CPOX: variants seen among roughly 807,000 people sequenced by gnomAD.
CPOX encodes coproporphyrinogen oxidase, also known as oxygen-dependent coproporphyrinogen-III oxidase, mitochondrial.
A neutral mutation model predicts 48.9 loss-of-function variants in CPOX; 24 were observed. The observed-to-expected ratio is 0.49, with a 90% CI of 0.36 to 0.69. The LOEUF (loss-of-function observed/expected upper bound fraction) is 0.69, where lower values mean the gene tolerates loss of function less well. Ranked by LOEUF, CPOX falls within the 30% of genes least tolerant of loss-of-function variation. The pLI is 0.00. For synonymous variants in CPOX, 249 were observed against 234.6 expected (o/e 1.06, Z -0.56); for missense variants, 549 against 597.3 (o/e 0.92, Z 0.84).
downstream of CPOX, among the ~76,000 whole-genome samples, chr3:98,576,837 C>T (rs1489519349): frequency 2.6e-5 from 4 of 152,052 alleles, no homozygotes; most frequent in Non-Finnish European, 5.9e-5. Flanking sequence ...AAGCTTGATA[C>T]TACGATATAT....
At chr3:98,584,445 T>C (rs1213395109) in intron 5 of CPOX, among the ~76,000 whole-genome samples, 1 of 152,222 alleles carries the variant, frequency 6.6e-6, no homozygotes, top group Non-Finnish European at 1.5e-5. Flanking sequence ...ACTCTCATGT[T>C]TTTCAAGTTA....
Position 98,580,611 on chromosome 3 carries a change from A to C in CPOX, c.*72T>G. ...CACGGGTAACTGCCACACAGTGGCA[A>C]AGTGCCGACCAGTGGCATGGGGAGC... On this transcript the variant is annotated 3_prime_UTR_variant, in exon 7 of 7. Transcript: ENST00000647941. 1 of 1,610,064 alleles carries C rather than the reference A, an allele frequency of 6.2e-7. No individual in the cohort carries two copies. Among genetic ancestry groups the C allele is most frequent in the Non-Finnish European group, 8.5e-7 (1 of 1,177,924 alleles).
intron 1 of CPOX, among the ~76,000 whole-genome samples, chr3:98,592,640 T>C (rs1282099399): frequency 6.6e-6 from 1 of 152,154 alleles, no homozygotes; most frequent in African/African-American, 2.4e-5. Flanking sequence ...GTAACGAACT[T>C]TGGACATCTA....
At chr3:98,573,407 C>T in the CPOX span, among the ~76,000 whole-genome samples, 1 of 152,146 alleles carries the variant, frequency 6.6e-6, no homozygotes, top group African/African-American at 2.4e-5. Flanking sequence ...CATAGTTCAA[C>T]AAGAGTCAGA....
chr3:98,588,786 C>T lies in CPOX; in HGVS notation c.880G>A (p.Val294Ile), dbSNP rs2228056. ...TPTYLNQEDA[V>I]HFHRTLKEAC... ...TCCTTCAGAGTTCTGTGAAAATGGA[C>T]AGCGTCTTCTTGATTCAAGTATGTT... The change falls in exon 4 of 7, where the codon GTC (valine) becomes ATC (isoleucine). Residue 294 changes from valine to isoleucine, a missense_variant. Around this residue, in one of 2 missense-constraint regions of CPOX, gnomAD observed 213 missense variants for 279.1 expected, o/e 0.76. Coordinates refer to ENST00000647941, the MANE Select transcript of CPOX (RefSeq NM_000097.7). The T allele has an allele frequency of 0.089, 143,315 of 1,614,006 alleles. 7,657 individuals are homozygous for T. The highest frequency in any genetic ancestry group is 0.21 in the Admixed American group (12,767 of 59,994).
At chr3:98,577,877 C>A (rs1204606692), downstream of CPOX, among the ~76,000 whole-genome samples, 2 of 152,192 alleles carry the variant, frequency 1.3e-5, no homozygotes, top group East Asian at 3.8e-4. Flanking sequence ...CAGCAAAAGA[C>A]ACATGGAAGG....
At chr3:98,591,616 T>C (rs1216452810) in intron 1 of CPOX, among the ~76,000 whole-genome samples, 1 of 152,178 alleles carries the variant, frequency 6.6e-6, no homozygotes, top group Non-Finnish European at 1.5e-5. Flanking sequence ...TAAGAAACAG[T>C]AGGTAATCAA....
At chr3:98,586,380 C>G (rs1185763213) in intron 4 of CPOX, among the ~76,000 whole-genome samples, 7 of 152,114 alleles carry the variant, frequency 4.6e-5, no homozygotes, top group African/African-American at 1.4e-4. Context: ...AACCATGGTG[C>G]AAATCCAAGC....
downstream of CPOX, among the ~76,000 whole-genome samples, chr3:98,574,900 T>G (rs1707137189): frequency 1.3e-5 from 2 of 152,222 alleles, no homozygotes; most frequent in African/African-American, 4.8e-5. Flanking sequence ...AGTATTAATT[T>G]AAATGGTCTT....
At chr3:98,581,583 T>G in intron 5 of CPOX, 72 bp from the exon 6 acceptor site, 1 of 1,247,104 alleles carries the variant, frequency 8.0e-7, no homozygotes, top group East Asian at 2.3e-5. Flanking sequence ...TAACAAATAC[T>G]TAAAAAGGGG....
the CPOX span, among the ~76,000 whole-genome samples, chr3:98,573,973 C>T: frequency 6.6e-6 from 1 of 152,152 alleles, no homozygotes; most frequent in East Asian, 1.9e-4. Context: ...CATTTCTCTG[C>T]CCCCAGTTCG....
In CPOX at chr3:98,593,322, C is replaced by G; in HGVS notation, c.183G>C (p.Gly61=). The change falls in exon 1 of 7, where the codon GGG becomes GGC. Residue 61 remains glycine (G), a synonymous_variant. Transcript: ENST00000647941. ...PGPAGTEQSR[G]LGHGSTSRGG... ...CTCTCGACGTCGAGCCGTGCCCCAG[C>G]CCGCGGCTCTGCTCCGTGCCAGCCG... is the stretch of plus-strand genomic sequence containing the variant. 7.7e-6 allele frequency: 11 copies of G among 1,434,164 alleles called. No homozygotes were observed. The highest frequency in any genetic ancestry group is 9.1e-6 in the Non-Finnish European group (10 of 1,102,256). The allele number at this position is 1,434,164 out of a possible 1,614,324, so 88.8% of individuals were successfully genotyped here.
At chr3:98,582,123 G>C (rs904229371) in intron 5 of CPOX, among the ~76,000 whole-genome samples, 48 of 152,238 alleles carry the variant, frequency 3.2e-4, no homozygotes, top group African/African-American at 1.1e-3. Flanking sequence ...GTAGTGTTGA[G>C]TTGCAGTGTT....
intron 3 of CPOX, 147 bp from the exon 4 acceptor site, chr3:98,589,001 A>G: frequency 1.1e-6 from 1 of 928,984 alleles, no homozygotes; most frequent in Non-Finnish European, 1.7e-6. Context: ...AGCTCTGAAG[A>G]CCAGTAAGGC....
At position 98,586,395 on chromosome 3, in the gene CPOX, TTGAG is replaced by T. The variant is rs751954507; in HGVS notation, c.954-740_954-737del. Among the ~76,000 whole-genome samples the T allele has an allele frequency of 4.9e-4, 74 of 152,302 alleles. 2 individuals are homozygous for T. Among genetic ancestry groups the T allele is most frequent in the Non-Finnish European group, 8.8e-5 (6 of 68,020 alleles). On this transcript the variant is annotated intron_variant, in intron 4 of 6. Transcript: ENST00000647941. Reference sequence around the variant, plus strand: ...AACCATGGTGCAAATCCAAGCTCTCTTGAGTGAGTTCTTTATTCACCAAAGGAAG... The same window carrying T: ...AACCATGGTGCAAATCCAAGCTCTCTTGAGTTCTTTATTCACCAAAGGAAG...
the CPOX span, among the ~76,000 whole-genome samples, chr3:98,571,449 G>C: frequency 6.6e-6 from 1 of 151,990 alleles, no homozygotes; most frequent in Admixed American, 6.6e-5. Context: ...AGCACTTTGG[G>C]AGGCCGAGGC....
chr3:98,576,501 T>C (rs1177332705), downstream of CPOX, among the ~76,000 whole-genome samples: 1 of 152,178 alleles, frequency 6.6e-6, no homozygotes, highest in Non-Finnish European at 1.5e-5. Context: ...CCTAACCATA[T>C]CAGTGAGGTT....
chr3:98,579,416 T>C (rs1707209437), downstream of CPOX: 1 of 677,426 alleles, frequency 1.5e-6, no homozygotes, highest in Non-Finnish European at 1.8e-6. Context: ...TTTCCTATAT[T>C]ATCCTGGCAA....
chr3:98,585,479 G>A lies in CPOX; in HGVS notation c.1134C>T (p.Thr378=), dbSNP rs753677264. The part of the protein sequence containing the change: ...LVKKHCDDSF[T]PQEKLWQQLR... ...GCTGCTGCCACAGCTTCTCCTGGGG[G>A]GTGAATGAGTCATCACAGTGCTTTT... is the stretch of plus-strand genomic sequence containing the variant. Residue 378 remains threonine, a synonymous_variant, in exon 5 of 7, where the codon ACC becomes ACT. Coordinates refer to ENST00000647941, the MANE Select transcript of CPOX (RefSeq NM_000097.7). 41 of 1,613,982 alleles carry A rather than the reference G, an allele frequency of 2.5e-5. 1 individual carries two copies. In the South Asian group the frequency reaches 3.2e-4, roughly 13 times the overall value.
Sources: allele counts gnomAD v4.1 joint callset (sites outside exome capture counted in the v4.1 genomes callset), GRCh38; gene constraint gnomAD v4.1.1; regional missense constraint gnomAD v4.1.1; transcripts MANE v1.5; gene names NCBI Gene and HGNC (gene_info 2026-07-23, HGNC 2026-07-21).